The following EYS variants were observed in gnomAD, a reference collection of about 807,000 sequenced individuals.
EYS encodes protein eyes shut homolog.
A neutral mutation model predicts 282.1 loss-of-function variants in EYS; 250 were observed. The observed-to-expected ratio is 0.89, with a 90% CI of 0.80 to 0.98. EYS has a LOEUF of 0.98. Ranked by LOEUF, EYS falls within the 50% of genes least tolerant of loss-of-function variation. The pLI is 0.00. For synonymous variants in EYS, 1,355 were observed against 1,282.9 expected, an observed-to-expected ratio of 1.06 and a Z score of -1.20; for missense variants, 4,016 against 3,709.0, an observed-to-expected ratio of 1.08 and a Z score of -2.15.
chr6:64,888,227 T>C (rs1188657833), intron 18 of EYS, among the ~76,000 whole-genome samples: 1 of 151,984 alleles, frequency 6.6e-6, no homozygotes, highest in Non-Finnish European at 1.5e-5. Context: ...GTACGGTGAC[T>C]GTAGTAAACA....
Position 65,399,300 on chromosome 6 carries a change from T to C in EYS, c.1184+3178A>G, listed in dbSNP as rs1323230707. 2.6e-5 allele frequency among the ~76,000 whole-genome samples: 4 copies of C among 152,024 alleles called. No homozygotes were observed. The South Asian group carries it at 8.3e-4, about 31-fold the overall frequency. ...AGTAGGAAAGTTTCTGAAAAATATA[T>C]AAATATTCTTTAAATTAAACAAATT... On this transcript the variant is annotated intron_variant, in intron 7 of 42. Coordinates refer to ENST00000503581, the MANE Select transcript of EYS (RefSeq NM_001142800.2).
intron 12 of EYS, among the ~76,000 whole-genome samples, chr6:65,064,252 A>ATATATATCATATATAGTATAC (rs1415483905): frequency 1.5e-5 from 2 of 129,816 alleles, no homozygotes; most frequent in East Asian, 2.0e-4. Context: ...TATATATGAT[A>ATATATATCATATATAGTATAC]TATATATCAT....
intron 41 of EYS, among the ~76,000 whole-genome samples, chr6:63,738,179 A>C (rs1768973917): frequency 6.6e-6 from 1 of 152,158 alleles, no homozygotes; most frequent in Admixed American, 6.5e-5. Flanking sequence ...GTCAGTGTGG[A>C]GATTCCTTAG....
At chr6:64,781,251 A>G (rs959152651) in intron 22 of EYS, among the ~76,000 whole-genome samples, 1 of 152,172 alleles carries the variant, frequency 6.6e-6, no homozygotes, top group Non-Finnish European at 1.5e-5. Context: ...TGTCTTTCAT[A>G]CTGATAAGCT....
At chr6:64,147,843 T>G (rs776486273) in intron 31 of EYS, among the ~76,000 whole-genome samples, 88 of 152,210 alleles carry the variant, frequency 5.8e-4, no homozygotes, top group Non-Finnish European at 1.1e-3. Context: ...TCTGGAATGT[T>G]TAGTTACCAG....
chr6:65,530,360 C>T (rs977486624), intron 2 of EYS, among the ~76,000 whole-genome samples: 22 of 152,096 alleles, frequency 1.4e-4, no homozygotes, highest in African/African-American at 5.1e-4. Context: ...AAATTCAGCC[C>T]ACCACCTGTC....
intron 26 of EYS, among the ~76,000 whole-genome samples, chr6:64,457,799 C>T (rs975643368): frequency 1.3e-5 from 2 of 151,786 alleles, no homozygotes; most frequent in African/African-American, 4.8e-5. Context: ...TTTTTTCCCC[C>T]CCATTTGTCA....
rs1017397024 is a variant in EYS, at chr6:63,937,082, C to T, written c.7055+47301G>A. Among the ~76,000 whole-genome samples, 3 of 152,134 alleles carry T rather than the reference C, an allele frequency of 2.0e-5. No individual in the cohort carries two copies. In the East Asian group the frequency reaches 5.8e-4, roughly 29 times the overall value. On this transcript the variant is annotated intron_variant, in intron 35 of 42. Transcript: ENST00000503581. ...ACTAGGGTGTTAGTGAGGGTGACAA[C>T]TGCATAGAATAATAAGTCCAGTTTA...
intron 26 of EYS, among the ~76,000 whole-genome samples, chr6:64,464,594 T>C (rs551366649): frequency 6.6e-6 from 1 of 152,162 alleles, no homozygotes; most frequent in South Asian, 2.1e-4. Flanking sequence ...TTCAGCAAAT[T>C]TGCAAAATAC....
chr6:64,307,026 G>T lies in EYS; in HGVS notation c.6135C>A (p.Asn2045Lys). The change falls in exon 30 of 43, where the codon AAC becomes AAA. Residue 2045 changes from asparagine (N) to lysine (K), a missense_variant. Transcript: ENST00000503581. Reference sequence around the variant, plus strand: ...CCTTGGATGGAATGAAAGATCTCCAGTTATTTATTTCTATAACTTCTATGC... The same window carrying T: ...CCTTGGATGGAATGAAAGATCTCCATTTATTTATTTCTATAACTTCTATGC... The part of the protein sequence containing the change: ...TGCIEVIEIN[N>K]WRSFIPSKAV... 6.5e-7 allele frequency: 1 copy of T among 1,546,078 alleles called. No homozygotes were observed. Among genetic ancestry groups the T allele is most frequent in the African/African-American group, 1.4e-5 (1 of 72,990 alleles).
intron 19 of EYS, among the ~76,000 whole-genome samples, chr6:64,824,818 C>T (rs1765002703): frequency 6.6e-6 from 1 of 151,848 alleles, no homozygotes; most frequent in South Asian, 2.1e-4. Context: ...GAGACAGCAT[C>T]ATCAAGATTA....
intron 22 of EYS, among the ~76,000 whole-genome samples, chr6:64,801,956 T>C (rs183568249): frequency 2.0e-3 from 301 of 151,652 alleles, no homozygotes; most frequent in Non-Finnish European, 3.2e-3. Flanking sequence ...AGGTTGGCTG[T>C]AGACCATGCT....
chr6:63,730,974 T>A (rs929633735), intron 41 of EYS, among the ~76,000 whole-genome samples: 7 of 152,264 alleles, frequency 4.6e-5, no homozygotes, highest in African/African-American at 1.7e-4. Context: ...TGAGTTGAGA[T>A]CGCACCACTG....
chr6:64,702,070 C>A (rs1371303222), intron 22 of EYS, among the ~76,000 whole-genome samples: 1 of 151,194 alleles, frequency 6.6e-6, no homozygotes, highest in Non-Finnish European at 1.5e-5. Context: ...TAACAAAAAA[C>A]CTCATTTGAT....
At chr6:65,631,787 G>T (rs1264504143) in intron 2 of EYS, among the ~76,000 whole-genome samples, 1 of 152,076 alleles carries the variant, frequency 6.6e-6, no homozygotes, top group East Asian at 1.9e-4. Context: ...TTTACTAGTA[G>T]GTGTTCCAGG....
intron 36 of EYS, among the ~76,000 whole-genome samples, chr6:63,852,008 T>G (rs1302641466): frequency 2.6e-5 from 4 of 151,402 alleles, no homozygotes; most frequent in Non-Finnish European, 5.9e-5. Flanking sequence ...ATACAAAAAA[T>G]TAGCCAGGCG....
chr6:65,372,134 T>A (rs995823534), intron 8 of EYS, among the ~76,000 whole-genome samples: 7 of 151,666 alleles, frequency 4.6e-5, no homozygotes, highest in Middle Eastern at 3.4e-3. Context: ...ATAGGAGATT[T>A]AAAAAAAATA....
intron 12 of EYS, among the ~76,000 whole-genome samples, chr6:65,274,271 T>C (rs759688936): frequency 6.6e-6 from 1 of 152,186 alleles, no homozygotes; most frequent in Non-Finnish European, 1.5e-5. Context: ...CAGAGGTTAG[T>C]TCTATCATGA....
At chr6:65,675,399 T>C (rs1170846108) in intron 1 of EYS, among the ~76,000 whole-genome samples, 1 of 151,718 alleles carries the variant, frequency 6.6e-6, no homozygotes, top group Non-Finnish European at 1.5e-5. Context: ...AGGATGCACA[T>C]AGGTTGAAAA....
Sources: allele counts gnomAD v4.1 joint callset (sites outside exome capture counted in the v4.1 genomes callset), GRCh38; gene constraint gnomAD v4.1.1; transcripts MANE v1.5; gene names NCBI Gene and HGNC (gene_info 2026-07-23, HGNC 2026-07-21).